The following PTPRQ variants were observed in gnomAD, a reference collection of about 807,000 sequenced individuals.
PTPRQ encodes phosphatidylinositol phosphatase PTPRQ.
Under a neutral mutation model 246.0 loss-of-function variants are expected in PTPRQ, and 199 were observed. The ratio of observed to expected loss-of-function variants is 0.81; its 90% CI spans 0.72 to 0.91. The LOEUF is 0.91. PTPRQ is among the 40% of genes least tolerant of loss of function. The pLI, the probability that PTPRQ is intolerant of heterozygous loss-of-function variation, is 0.00. For synonymous variants in PTPRQ, 869 were observed against 853.2 expected, an observed-to-expected ratio of 1.02 and a Z score of -0.32; for missense variants, 2,624 against 2,528.4, an observed-to-expected ratio of 1.04 and a Z score of -0.81.
At chr12:80,451,309 T>C (rs929204207) in intron 3 of PTPRQ, among the ~76,000 whole-genome samples, 2 of 130,758 alleles carry the variant, frequency 1.5e-5, no homozygotes, top group African/African-American at 6.0e-5. Context: ...GTCAATTTTG[T>C]TGATCCTTTC....
At chr12:80,517,174 G>GT (rs1269627996) in intron 17 of PTPRQ, among the ~76,000 whole-genome samples, 2 of 151,818 alleles carry the variant, frequency 1.3e-5, no homozygotes, top group East Asian at 3.9e-4. Flanking sequence ...GATTGTCAGT[G>GT]TTAAAAAAAT....
At chr12:80,553,993 T>C (rs74338841) in intron 25 of PTPRQ, among the ~76,000 whole-genome samples, 4,507 of 150,990 alleles carry the variant, frequency 0.03, 203 homozygotes, top group African/African-American at 0.1. Context: ...CACTCATTTG[T>C]GGCAGCCAAA....
chr12:80,495,212 A>T lies in PTPRQ; in HGVS notation c.1723A>T (p.Ile575Leu). The T allele has an allele frequency of 6.5e-7, 1 of 1,539,792 alleles. No homozygotes were observed. Among genetic ancestry groups the T allele is most frequent in the Non-Finnish European group, 8.7e-7 (1 of 1,143,264 alleles). Residue 575 changes from isoleucine to leucine, a missense_variant, in exon 12 of 45, where the codon ATA becomes TTA. Transcript: ENST00000644991. ...RQQVPSSIKI[I>L]NYKNISSSSI... Reference sequence around the variant, plus strand: ...TTAAGTGCCAAGCTCCATTAAAATTATAAACTATAAAAATATTAGTTCTTC... The same window carrying T: ...TTAAGTGCCAAGCTCCATTAAAATTTTAAACTATAAAAATATTAGTTCTTC...
At chr12:80,654,944 G>A (rs1253861328) in intron 38 of PTPRQ, among the ~76,000 whole-genome samples, 1 of 151,984 alleles carries the variant, frequency 6.6e-6, no homozygotes, top group Non-Finnish European at 1.5e-5. Flanking sequence ...CTTCCAAGGA[G>A]TGTCTAATTT....
intron 21 of PTPRQ, 108 bp from the exon 22 acceptor site, chr12:80,541,981 T>G: frequency 6.8e-7 from 1 of 1,472,608 alleles, no homozygotes; most frequent in African/African-American, 1.4e-5. Flanking sequence ...AAACACAGTG[T>G]TTCTTAAAAT....
At chr12:80,662,386 T>C (rs1900660290) in intron 39 of PTPRQ, among the ~76,000 whole-genome samples, 1 of 151,964 alleles carries the variant, frequency 6.6e-6, no homozygotes, top group Admixed American at 6.6e-5. Flanking sequence ...CATTTAATAA[T>C]TGAGTTCATA....
chr12:80,558,685 G>GT (rs1287699071), intron 25 of PTPRQ, among the ~76,000 whole-genome samples: 1 of 151,998 alleles, frequency 6.6e-6, no homozygotes, highest in African/African-American at 2.4e-5. Flanking sequence ...TGCATGTTAA[G>GT]TTTTTTTAAG....
intron 26 of PTPRQ, among the ~76,000 whole-genome samples, chr12:80,594,836 C>T (rs1897916864): frequency 6.6e-6 from 1 of 152,100 alleles, no homozygotes; most frequent in South Asian, 2.1e-4. Flanking sequence ...TAGATAATTA[C>T]AAAAGAGATC....
chr12:80,445,878 G>A, intron 3 of PTPRQ, 161 bp downstream of exon 3: 2 of 544,772 alleles, frequency 3.7e-6, no homozygotes, highest in South Asian at 2.8e-5. Flanking sequence ...TTTAAAACTT[G>A]GTAAAATGTT....
chr12:80,654,096 C>CTCTTT (rs1451173701), intron 38 of PTPRQ, among the ~76,000 whole-genome samples: 1 of 110,278 alleles, frequency 9.1e-6, no homozygotes, highest in Non-Finnish European at 2.0e-5. Context: ...CTTTTCTTTT[C>CTCTTT]TCTTTTCTTT....
chr12:80,489,990 G>GTCTTGCGC (rs369818726), intron 9 of PTPRQ, among the ~76,000 whole-genome samples: 1 of 151,678 alleles, frequency 6.6e-6, no homozygotes, highest in Admixed American at 6.6e-5. Context: ...AATGTAAGAA[G>GTCTTGCGC]AAAGTCTTGT....
Position 80,586,232 on chromosome 12 carries a change from G to A in PTPRQ, c.4286-1897G>A, listed in dbSNP as rs529203779. 2.3e-3 allele frequency among the ~76,000 whole-genome samples: 342 copies of A among 151,858 alleles called. 4 individuals are homozygous for A. The highest frequency in any genetic ancestry group is 6.7e-3 in the African/African-American group (279 of 41,378). ...CAAACAACCCCATCAAAAAGTGGGC[G>A]AAGGACATGAACAGACACTTCTCAA... is the stretch of plus-strand genomic sequence containing the variant. On this transcript the variant is annotated intron_variant, in intron 25 of 44. Coordinates refer to ENST00000644991, the MANE Select transcript of PTPRQ (RefSeq NM_001145026.2).
At chr12:80,592,561 C>G (rs1327527618) in intron 26 of PTPRQ, among the ~76,000 whole-genome samples, 2 of 151,966 alleles carry the variant, frequency 1.3e-5, no homozygotes, top group Non-Finnish European at 2.9e-5. Context: ...TAACGGAAGT[C>G]TTGAAGAGCA....
In PTPRQ at chr12:80,493,337, T is replaced by A. The variant is rs1310845455; in HGVS notation, c.1422T>A (p.Tyr474Ter). 1 of 1,549,708 alleles carries A rather than the reference T, an allele frequency of 6.5e-7. No homozygotes were observed. The highest frequency in any genetic ancestry group is 8.7e-7 in the Non-Finnish European group (1 of 1,145,722). ...TAGTAGAGCCAATGGTAGGATTATATGAGGGTTCAGCAGAGATGTCGTCTG... is the reference window on the plus strand; with the variant it reads ...TAGTAGAGCCAATGGTAGGATTATAAGAGGGTTCAGCAGAGATGTCGTCTG... The part of the protein sequence containing the change: ...VNIVEPMVGL[Y>*]EGSAEMSSDL... Residue 474 changes from tyrosine (Y) to a stop codon, truncating the protein, a stop_gained, in exon 10 of 45, where the codon TAT becomes TAA. Transcript: ENST00000644991. LOFTEE classifies it high-confidence loss of function.
At chr12:80,506,705 T>A in intron 16 of PTPRQ, 35 bp downstream of exon 16, 1 of 1,512,758 alleles carries the variant, frequency 6.6e-7, no homozygotes, top group Admixed American at 2.2e-5. Flanking sequence ...ATACTTTGAT[T>A]CTATAACATT....
At chr12:80,632,435 G>A in intron 34 of PTPRQ, 144 bp downstream of exon 34, 1 of 1,202,358 alleles carries the variant, frequency 8.3e-7, no homozygotes, top group South Asian at 1.5e-5. Context: ...TATTTATCAT[G>A]TACAATATGA....
At chr12:80,652,150 AG>A (rs1900279431) in intron 37 of PTPRQ, among the ~76,000 whole-genome samples, 2 of 152,138 alleles carry the variant, frequency 1.3e-5, no homozygotes, top group African/African-American at 4.8e-5. Context: ...GCCAAGAGCA[AG>A]GTAGATAGAT....
chr12:80,450,204 C>T (rs888520973), intron 3 of PTPRQ, among the ~76,000 whole-genome samples: 8 of 151,830 alleles, frequency 5.3e-5, no homozygotes, highest in African/African-American at 9.7e-5. Flanking sequence ...ATAAGAATGC[C>T]TGTGATTTTT....
At chr12:80,603,075 C>T (rs1330630769) in intron 26 of PTPRQ, among the ~76,000 whole-genome samples, 1 of 151,640 alleles carries the variant, frequency 6.6e-6, no homozygotes, top group Non-Finnish European at 1.5e-5. Flanking sequence ...TGTGAACTGC[C>T]AAAATTCACT....
Sources: allele counts gnomAD v4.1 joint callset (sites outside exome capture counted in the v4.1 genomes callset), GRCh38; gene constraint gnomAD v4.1.1; transcripts MANE v1.5; gene names NCBI Gene and HGNC (gene_info 2026-07-23, HGNC 2026-07-21).